DCUN1D5: variants seen among roughly 807,000 people sequenced by gnomAD.
DCUN1D5 encodes DCN1-like protein 5.
In DCUN1D5, 10 loss-of-function variants were observed where a neutral mutation model predicts 38.3. The ratio of observed to expected loss-of-function variants is 0.26; its 90% CI spans 0.16 to 0.44. The LOEUF (loss-of-function observed/expected upper bound fraction) is 0.44. DCUN1D5 is among the 20% of genes least tolerant of loss of function. The probability of loss-of-function intolerance (pLI) is 1.00; values close to 1 mark genes in which losing one functional copy is unlikely to be tolerated. For synonymous variants in DCUN1D5, 93 were observed against 90.9 expected (o/e 1.02, Z -0.13); for missense variants, 148 against 275.3 (o/e 0.54, Z 3.27).
rs1190348349 is a variant in DCUN1D5 at position 103,058,257 on chromosome 11, G to T, written c.*4102C>A. Among the ~76,000 whole-genome samples the T allele has an allele frequency of 6.6e-6, 1 of 152,072 alleles. No homozygotes were observed. The highest frequency in any genetic ancestry group is 1.5e-5 in the Non-Finnish European group (1 of 67,982). Reference sequence around the variant, plus strand: ...CAAAATGTTTCATCGATCCTAAAAAGAAAATGGTCACACCAATAACAACTG... The same window carrying T: ...CAAAATGTTTCATCGATCCTAAAAATAAAATGGTCACACCAATAACAACTG... On this transcript the variant is annotated 3_prime_UTR_variant, in exon 8 of 8. Coordinates refer to ENST00000260247, the MANE Select transcript of DCUN1D5 (RefSeq NM_032299.4).
rs980816084 is a variant in DCUN1D5, at chr11:103,055,305, T to C, written c.*7054A>G. 2.0e-5 allele frequency: 3 copies of C among 152,252 alleles called. No homozygotes were observed. The highest frequency in any genetic ancestry group is 1.5e-5 in the Non-Finnish European group (1 of 67,998). 9.4% of individuals were successfully genotyped at this position (152,252 alleles called of 1,614,324 possible). On this transcript the variant is annotated 3_prime_UTR_variant, in exon 8 of 8. Transcript: ENST00000260247. ...GTTAAGGATGTTCAACCTGCGCTGTTTGGCTATATTAATTCATGTAGAACT... is the reference window on the plus strand; with the variant it reads ...GTTAAGGATGTTCAACCTGCGCTGTCTGGCTATATTAATTCATGTAGAACT...
At chr11:103,085,136 G>A (rs1314773547) in intron 2 of DCUN1D5, among the ~76,000 whole-genome samples, 1 of 152,068 alleles carries the variant, frequency 6.6e-6, no homozygotes, top group Admixed American at 6.5e-5. Context: ...AGCTTTAGAG[G>A]ATGTCTAGAA....
chr11:103,081,056 C>T (rs547866038), intron 4 of DCUN1D5, among the ~76,000 whole-genome samples: 4 of 150,640 alleles, frequency 2.7e-5, no homozygotes, highest in South Asian at 2.1e-4. Context: ...TATTCTTGTA[C>T]GCAAGACCAT....
chr11:103,088,379 A>G (rs1862767197), intron 2 of DCUN1D5, among the ~76,000 whole-genome samples: 1 of 152,234 alleles, frequency 6.6e-6, no homozygotes. Flanking sequence ...ACTCCAAAAA[A>G]ACAAAACTAT....
rs1184488835 is a variant in DCUN1D5 at position 103,086,051 on chromosome 11, A to T, written c.179-2725T>A. Among the ~76,000 whole-genome samples the T allele has an allele frequency of 6.6e-6, 1 of 152,208 alleles. No individual in the cohort carries two copies. The highest frequency in any genetic ancestry group is 1.5e-5 in the Non-Finnish European group (1 of 68,032). ...TATCACACATAATACCATAGTAACA[A>T]GTTTAGTGATATTTTCAAAACTAAA... On this transcript the variant is annotated intron_variant, in intron 2 of 7. Coordinates refer to ENST00000260247, the MANE Select transcript of DCUN1D5 (RefSeq NM_032299.4). The surrounding 1 kb of genome is among the most constrained non-coding windows in gnomAD (Gnocchi z 4.1).
rs1862035795 is a variant in DCUN1D5, at chr11:103,062,419, A to T, written c.659-5T>A. Reference sequence around the variant, plus strand: ...ATTCATCAAGAAGAACAGGCCCTAGAAAAAAAGAAACCATTTTTGTCAGAA... The same window carrying T: ...ATTCATCAAGAAGAACAGGCCCTAGTAAAAAAGAAACCATTTTTGTCAGAA... On this transcript the variant is annotated splice_region_variant and splice_polypyrimidine_tract_variant and intron_variant, in intron 7 of 7. Transcript: ENST00000260247. The surrounding 1 kb of genome is among the most constrained non-coding windows in gnomAD (Gnocchi z 4.6). 1.2e-6 allele frequency: 2 copies of T among 1,609,946 alleles called. No individual in the cohort carries two copies. Among genetic ancestry groups the T allele is most frequent in the Non-Finnish European group, 1.7e-6 (2 of 1,178,592 alleles).
In DCUN1D5 at chr11:103,064,608, A is replaced by C. The variant is rs1343299432; in HGVS notation, c.556-231T>G. Among the ~76,000 whole-genome samples the C allele has an allele frequency of 6.6e-6, 1 of 152,128 alleles. No individual in the cohort carries two copies. Among genetic ancestry groups the C allele is most frequent in the East Asian group, 1.9e-4 (1 of 5,194 alleles). On this transcript the variant is annotated intron_variant, in intron 6 of 7. Transcript: ENST00000260247. This position sits in a 1 kb window ranked among gnomAD's most constrained non-coding sequence, Gnocchi z 4.5. ...GGAATAATAAGAGCACTGAGTACTA[A>C]CAGTAAGGATAAAACTAACTTTTTC...
At chr11:103,090,402 T>C (rs934547791) in intron 1 of DCUN1D5, among the ~76,000 whole-genome samples, 1 of 152,154 alleles carries the variant, frequency 6.6e-6, no homozygotes, top group African/African-American at 2.4e-5. Flanking sequence ...CAAAACACAG[T>C]AATGAGGGAA....
intron 4 of DCUN1D5, among the ~76,000 whole-genome samples, chr11:103,072,331 T>TCTAGAA (rs1292882134): frequency 6.9e-6 from 1 of 144,918 alleles, no homozygotes; most frequent in Non-Finnish European, 1.5e-5. Context: ...TCCTCAAGGA[T>TCTAGAA]CTAGAACTAG....
Position 103,083,357 on chromosome 11 carries a change from G to A in DCUN1D5, c.179-31C>T, listed in dbSNP as rs759688873. 1.6e-6 allele frequency: 2 copies of A among 1,231,970 alleles called. No homozygotes were observed. Among genetic ancestry groups the A allele is most frequent in the Non-Finnish European group, 2.4e-6 (2 of 837,736 alleles). The allele number at this position is 1,231,970 out of a possible 1,614,324, so 76.3% of individuals were successfully genotyped here. ...AAGACAAAAATAATTAACATATTTTGTTATAATATCAACATAAAACATAAA... is the reference window on the plus strand; with the variant it reads ...AAGACAAAAATAATTAACATATTTTATTATAATATCAACATAAAACATAAA... On this transcript the variant is annotated intron_variant, in intron 2 of 7. Transcript: ENST00000260247. This position sits in a 1 kb window ranked among gnomAD's most constrained non-coding sequence, Gnocchi z 4.4.
At position 103,091,674 on chromosome 11, in the gene DCUN1D5, G is replaced by C. The variant is rs775743519; in HGVS notation, c.86+113C>G. ...GCACCTACAGCCTAGCTCGATCAAA[G>C]GGGCCTCACCTGTCTCCAGCCCCAG... On this transcript the variant is annotated intron_variant, in intron 1 of 7. Transcript: ENST00000260247. The surrounding 1 kb of genome is among the most constrained non-coding windows in gnomAD (Gnocchi z 4.3). The C allele has an allele frequency of 6.3e-7, 1 of 1,596,364 alleles. No homozygotes were observed. The highest frequency in any genetic ancestry group is 1.1e-5 in the South Asian group (1 of 89,972).
chr11:103,086,834 CATAAA>C lies in DCUN1D5; in HGVS notation c.178+2388_178+2392del, dbSNP rs1862721755. Among the ~76,000 whole-genome samples, 1 of 151,636 alleles carries C rather than the reference CATAAA, an allele frequency of 6.6e-6. No individual in the cohort carries two copies. The highest frequency in any genetic ancestry group is 1.5e-5 in the Non-Finnish European group (1 of 67,908). ...AAAATTAGCTTAAATAAAAAATAAA[CATAAA>C]ATAATATCTATTATAATAAAATGTT... On this transcript the variant is annotated intron_variant, in intron 2 of 7. Coordinates refer to ENST00000260247, the MANE Select transcript of DCUN1D5 (RefSeq NM_032299.4). The surrounding 1 kb of genome is among the most constrained non-coding windows in gnomAD (Gnocchi z 4.1).
intron 1 of DCUN1D5, among the ~76,000 whole-genome samples, chr11:103,090,583 T>C (rs1371197844): frequency 1.3e-5 from 2 of 152,188 alleles, no homozygotes; most frequent in African/African-American, 4.8e-5. Flanking sequence ...GTGCCAACCA[T>C]TGATGAAAAG....
chr11:103,076,970 G>C (rs1862423609), intron 4 of DCUN1D5, among the ~76,000 whole-genome samples: 1 of 152,118 alleles, frequency 6.6e-6, no homozygotes, highest in Admixed American at 6.5e-5. Flanking sequence ...AGGTCGAGGC[G>C]GGTGGATCAC....
In DCUN1D5 at chr11:103,054,602, C is replaced by A. The variant is rs1028208318; in HGVS notation, c.*7757G>T. 1 of 152,034 alleles carries A rather than the reference C, an allele frequency of 6.6e-6. No individual in the cohort carries two copies. The highest frequency in any genetic ancestry group is 1.5e-5 in the Non-Finnish European group (1 of 67,976). The allele number at this position is 152,034 out of a possible 1,614,324, so 9.4% of individuals were successfully genotyped here. ...GACTATATTTTATTCATCTTTGTAG[C>A]CACGCTCATATAATAATACCCAGCA... On this transcript the variant is annotated 3_prime_UTR_variant, in exon 8 of 8. Transcript: ENST00000260247.
chr11:103,084,946 C>G (rs1862662405), intron 2 of DCUN1D5, among the ~76,000 whole-genome samples: 1 of 151,642 alleles, frequency 6.6e-6, no homozygotes, highest in South Asian at 2.1e-4. Context: ...ATGATCACGC[C>G]ATTGTACTCC....
rs1862044615 is a variant in DCUN1D5, at chr11:103,062,773, C to G, written c.659-359G>C. Reference sequence around the variant, plus strand: ...AGGTAATATTTCTATGTTGCCTCCCCAAGAAGTGTACAAGCTTGTTGAGAG... The same window carrying G: ...AGGTAATATTTCTATGTTGCCTCCCGAAGAAGTGTACAAGCTTGTTGAGAG... On this transcript the variant is annotated intron_variant, in intron 7 of 7. Coordinates refer to ENST00000260247, the MANE Select transcript of DCUN1D5 (RefSeq NM_032299.4). The surrounding 1 kb of genome is among the most constrained non-coding windows in gnomAD (Gnocchi z 4.6). 6.6e-6 allele frequency among the ~76,000 whole-genome samples: 1 copy of G among 152,036 alleles called. No homozygotes were observed. The highest frequency in any genetic ancestry group is 2.1e-4 in the South Asian group (1 of 4,824).
In DCUN1D5 at chr11:103,092,070, G is replaced by A. The variant is rs1862888334; in HGVS notation, c.-198C>T. The A allele has an allele frequency of 1.4e-5, 8 of 577,660 alleles. No homozygotes were observed. The South Asian group carries it at 1.7e-4, about 12-fold the overall frequency. 35.8% of individuals were successfully genotyped at this position (577,660 alleles called of 1,614,324 possible). On this transcript the variant is annotated 5_prime_UTR_variant, in exon 1 of 8. Transcript: ENST00000260247. The stretch of plus-strand genomic sequence containing the variant: ...TCGTCGTCTTTCTCTGACCGGGACA[G>A]GGCTGGCTCCTCGCCGGTGGACACT...
chr11:103,077,764 T>C lies in DCUN1D5; in HGVS notation c.341+4984A>G, dbSNP rs199994667. Among the ~76,000 whole-genome samples, 17 of 152,340 alleles carry C rather than the reference T, an allele frequency of 1.1e-4. No homozygotes were observed. The East Asian group carries it at 2.3e-3, about 21-fold the overall frequency. On this transcript the variant is annotated intron_variant, in intron 4 of 7. Transcript: ENST00000260247. The surrounding 1 kb of genome is among the most constrained non-coding windows in gnomAD (Gnocchi z 4.3). Reference sequence around the variant, plus strand: ...ACACATTGATGTGTAACACGAAGAATTGTGTCACAAAGTTCTGGATTTAGA... The same window carrying C: ...ACACATTGATGTGTAACACGAAGAACTGTGTCACAAAGTTCTGGATTTAGA...
Sources: gnomAD v4.1 joint callset for allele counts (sites outside exome capture counted in the v4.1 genomes callset) on GRCh38, gnomAD v4.1.1 for gene constraint, Gnocchi (gnomAD v3.1) non-coding constraint, MANE v1.5 for transcripts, NCBI Gene and HGNC (gene_info 2026-07-23, HGNC 2026-07-21) for gene names.